Variants in KIF1B observed in about 807,000 individuals in gnomAD.
The protein encoded by KIF1B is kinesin family member 1B.
Under a neutral mutation model 241.9 loss-of-function variants are expected in KIF1B, and 76 were observed. The observed-to-expected ratio is 0.31, with a 90% CI of 0.26 to 0.38. The LOEUF is 0.38. Among genes scored for constraint, KIF1B ranks in the 10% least tolerant of loss-of-function variants. KIF1B has a pLI of 1.00. For synonymous variants in KIF1B, 750 were observed against 796.7 expected (o/e 0.94, Z 0.99); for missense variants, 1,622 against 2,271.4 (o/e 0.71, Z 5.81).
At chr1:10,324,450 C>G (rs1056302499) in intron 25 of KIF1B, among the ~76,000 whole-genome samples, 1 of 151,896 alleles carries the variant, frequency 6.6e-6, no homozygotes, top group African/African-American at 2.4e-5. Flanking sequence ...GAGGTATTTC[C>G]CCCGTCTCAG....
At chr1:10,342,381 A>G (rs1652429681) in intron 33 of KIF1B, among the ~76,000 whole-genome samples, 1 of 152,224 alleles carries the variant, frequency 6.6e-6, no homozygotes, top group Non-Finnish European at 1.5e-5. Flanking sequence ...GGTGACCTCA[A>G]ATACCATCTT....
chr1:10,352,495 G>A (rs1652830858), intron 37 of KIF1B, 136 bp from the exon 38 acceptor site: 2 of 712,458 alleles, frequency 2.8e-6, no homozygotes, highest in Non-Finnish European at 5.1e-6. Flanking sequence ...AGACCGTGGA[G>A]GACCCTACAG....
At chr1:10,265,450 G>A (rs1648405038) in intron 5 of KIF1B, among the ~76,000 whole-genome samples, 1 of 151,886 alleles carries the variant, frequency 6.6e-6, no homozygotes, top group Non-Finnish European at 1.5e-5. Flanking sequence ...TACCCAGGTT[G>A]GTCTCGAATT....
At chr1:10,284,277 C>T (rs1180026906) in intron 15 of KIF1B, among the ~76,000 whole-genome samples, 3 of 152,058 alleles carry the variant, frequency 2.0e-5, no homozygotes, top group East Asian at 3.9e-4. Flanking sequence ...AGGCCGGGCA[C>T]GGTAGCTCAC....
intron 31 of KIF1B, among the ~76,000 whole-genome samples, chr1:10,339,112 A>G (rs1468368952): frequency 6.6e-6 from 1 of 152,174 alleles, no homozygotes; most frequent in South Asian, 2.1e-4. Flanking sequence ...GAACGATAAC[A>G]TCTCACTATC....
At chr1:10,287,848 A>G (rs540184158) in intron 15 of KIF1B, among the ~76,000 whole-genome samples, 2 of 152,334 alleles carry the variant, frequency 1.3e-5, no homozygotes, top group East Asian at 3.9e-4. Flanking sequence ...AAGGTAATCA[A>G]CTAGGAAGAA....
intron 27 of KIF1B, among the ~76,000 whole-genome samples, chr1:10,332,995 A>G (rs1243452157): frequency 6.7e-6 from 1 of 148,798 alleles, no homozygotes; most frequent in Non-Finnish European, 1.5e-5. Flanking sequence ...TATTTTTAGT[A>G]GAGACAGTGT....
chr1:10,348,393 AT>A (rs1045085194), intron 36 of KIF1B, among the ~76,000 whole-genome samples: 1 of 152,336 alleles, frequency 6.6e-6, no homozygotes, highest in Admixed American at 6.5e-5. Context: ...CCTGTGACAG[AT>A]TATGGTTATT....
Position 10,360,947 on chromosome 1 carries a change from G to C in KIF1B, c.4074G>C (p.Glu1358Asp). 1 of 1,613,820 alleles carries C rather than the reference G, an allele frequency of 6.2e-7. No individual in the cohort carries two copies. The highest frequency in any genetic ancestry group is 8.5e-7 in the Non-Finnish European group (1 of 1,179,714). The stretch of plus-strand genomic sequence containing the variant: ...ACCTTAGGACCTTCTACCGCTTTGA[G>C]GCTGTGTGGGATAGCTCTCTGCATA... ...HNSSRTFYRF[E>D]AVWDSSLHNS... Residue 1358 changes from glutamate to aspartate, a missense_variant, in exon 39 of 49, where the codon GAG becomes GAC. Transcript: ENST00000676179.
chr1:10,272,272 C>T lies in KIF1B; in HGVS notation c.830C>T (p.Thr277Ile), dbSNP rs1648841633. ...EGANINKSLT[T>I]LGKVISALAE... ...GCAAATATTAATAAGTCTCTTACAA[C>T]TTTGGGCAAAGTCATTTCAGCCTTG... Residue 277 changes from threonine to isoleucine, a missense_variant, in exon 9 of 49, where the codon ACT becomes ATT. Physicochemically the swap from Thr to Ile is moderately conservative, Grantham distance 89. This residue lies in a region of KIF1B where 201 missense variants were observed against 301.2 expected (regional missense o/e 0.67). Transcript: ENST00000676179. 1 of 1,607,056 alleles carries T rather than the reference C, an allele frequency of 6.2e-7. No individual in the cohort carries two copies. The highest frequency in any genetic ancestry group is 1.3e-5 in the African/African-American group (1 of 74,768).
At chr1:10,310,679 T>C (rs1237144746) in intron 22 of KIF1B, among the ~76,000 whole-genome samples, 1 of 151,516 alleles carries the variant, frequency 6.6e-6, no homozygotes, top group African/African-American at 2.5e-5. Flanking sequence ...AGAAGACAGA[T>C]ACATGCCAGT....
intron 27 of KIF1B, among the ~76,000 whole-genome samples, chr1:10,333,670 T>C (rs1292356129): frequency 1.3e-5 from 2 of 151,706 alleles, no homozygotes; most frequent in Non-Finnish European, 2.9e-5. Context: ...CCAGCCTGGG[T>C]GACAGAGTGA....
chr1:10,365,665 CTT>C lies in KIF1B; in HGVS notation c.4752+19_4752+20del. 1 of 1,613,944 alleles carries C rather than the reference CTT, an allele frequency of 6.2e-7. No individual in the cohort carries two copies. The highest frequency in any genetic ancestry group is 8.5e-7 in the Non-Finnish European group (1 of 1,180,044). On this transcript the variant is annotated intron_variant, in intron 43 of 48. Coordinates refer to ENST00000676179, the MANE Select transcript of KIF1B (RefSeq NM_001365951.3). The surrounding 1 kb of genome is among the most constrained non-coding windows in gnomAD (Gnocchi z 4.0). ...GCTACCAAGGTGTGAATCCCTTCCTCTTTGCTGAACGTCTTCCCACAAGGCTC... is the reference window on the plus strand; with the variant it reads ...GCTACCAAGGTGTGAATCCCTTCCTCTGCTGAACGTCTTCCCACAAGGCTC...
intron 1 of KIF1B, among the ~76,000 whole-genome samples, chr1:10,216,560 A>G (rs563265929): frequency 6.6e-6 from 1 of 152,260 alleles, no homozygotes; most frequent in East Asian, 1.9e-4. Context: ...GTCATGGAGA[A>G]ACCTGCATAG....
chr1:10,336,122 A>G lies in KIF1B; in HGVS notation c.3044-535A>G, dbSNP rs540978320. On this transcript the variant is annotated intron_variant, in intron 28 of 48. Transcript: ENST00000676179. ...ATGGAGACAGTCAGGATTTCTAGGTATGACATTTGAACAATCTCAAGAATA... is the reference window on the plus strand; with the variant it reads ...ATGGAGACAGTCAGGATTTCTAGGTGTGACATTTGAACAATCTCAAGAATA... 5.7e-4 allele frequency among the ~76,000 whole-genome samples: 87 copies of G among 152,370 alleles called. 1 individual carries two copies. Among genetic ancestry groups the G allele is most frequent in the African/African-American group, 2.0e-3 (85 of 41,590 alleles).
At chr1:10,214,456 A>C (rs1206209305) in intron 1 of KIF1B, among the ~76,000 whole-genome samples, 1 of 150,488 alleles carries the variant, frequency 6.6e-6, no homozygotes, top group African/African-American at 2.5e-5. Flanking sequence ...TGCCCAGCTA[A>C]TTTTTGTATT....
At position 10,365,076 on chromosome 1, in the gene KIF1B, A is replaced by G. The variant is rs750752649; in HGVS notation, c.4367-24A>G. 6.7e-5 allele frequency: 108 copies of G among 1,611,582 alleles called. No homozygotes were observed. Among genetic ancestry groups the G allele is most frequent in the Non-Finnish European group, 8.8e-5 (104 of 1,178,950 alleles). On this transcript the variant is annotated intron_variant, in intron 41 of 48. Coordinates refer to ENST00000676179, the MANE Select transcript of KIF1B (RefSeq NM_001365951.3). This position sits in a 1 kb window ranked among gnomAD's most constrained non-coding sequence, Gnocchi z 4.0. Reference sequence around the variant, plus strand: ...GGAATTGAATTTTTTTTCTGAAACAAAAACTTGTTTCCTCTTGTCTTAGGT... The same window carrying G: ...GGAATTGAATTTTTTTTCTGAAACAGAAACTTGTTTCCTCTTGTCTTAGGT...
Position 10,303,339 on chromosome 1 carries a change from CCAAAGAAGG to C in KIF1B, c.2115+6095_2115+6103del. 1 of 1,614,138 alleles carries C rather than the reference CCAAAGAAGG, an allele frequency of 6.2e-7. No homozygotes were observed. Among genetic ancestry groups the C allele is most frequent in the Non-Finnish European group, 8.5e-7 (1 of 1,180,032 alleles). ...AACCAATTAAAATGTATCAGATACC[CCAAAGAAGG>C]CGCTTGAGTAAAGATTCCAAGTGGG... On this transcript the variant is annotated intron_variant, in intron 22 of 48. Transcript: ENST00000676179. The surrounding 1 kb of genome is among the most constrained non-coding windows in gnomAD (Gnocchi z 5.2).
At chr1:10,251,957 G>A (rs1278077607) in intron 2 of KIF1B, among the ~76,000 whole-genome samples, 3 of 151,958 alleles carry the variant, frequency 2.0e-5, no homozygotes, top group African/African-American at 7.2e-5. Flanking sequence ...ACTTATTTCC[G>A]TTTTCTTGGT....
Sources: gnomAD v4.1 joint callset for allele counts (sites outside exome capture counted in the v4.1 genomes callset) on GRCh38, gnomAD v4.1.1 for gene constraint, gnomAD v4.1.1 regional missense constraint, Gnocchi (gnomAD v3.1) non-coding constraint, MANE v1.5 for transcripts, NCBI Gene and HGNC (gene_info 2026-07-23, HGNC 2026-07-21) for gene names.